Variants in OCA2 observed in about 807,000 individuals in gnomAD.
OCA2 encodes OCA2 melanosomal transmembrane protein.
OCA2 carries 77 observed loss-of-function variants against 100.2 expected under a neutral mutation model. The observed-to-expected ratio is 0.77, with a 90% confidence interval of 0.64 to 0.93. The LOEUF is 0.93. Ranked by LOEUF, OCA2 falls within the 40% of genes least tolerant of loss-of-function variation. OCA2 has a pLI of 0.00. For missense variants in OCA2, 1,062 were observed against 1,089.1 expected (o/e 0.98, Z 0.35); for synonymous variants, 432 against 439.2 (o/e 0.98, Z 0.21).
At chr15:27,795,840 C>G (rs1049139413) in intron 23 of OCA2, among the ~76,000 whole-genome samples, 1 of 152,152 alleles carries the variant, frequency 6.6e-6, no homozygotes, top group African/African-American at 2.4e-5. Flanking sequence ...ATCCACATCG[C>G]TGATTGTATG....
rs149245006 is a variant in OCA2, at chr15:28,009,549, A to T, written c.1044+5227T>A. On this transcript the variant is annotated intron_variant, in intron 9 of 23. Coordinates refer to ENST00000354638, the MANE Select transcript of OCA2 (RefSeq NM_000275.3). ...CTAAAAACACAAAAAGTAGCCAGGC[A>T]TGATGGTATGCGCCTGTGGTCTCAG... 9.4e-4 allele frequency among the ~76,000 whole-genome samples: 143 copies of T among 152,258 alleles called. 1 individual carries two copies. Among genetic ancestry groups the T allele is most frequent in the Non-Finnish European group, 1.7e-3 (117 of 68,016 alleles).
intron 9 of OCA2, among the ~76,000 whole-genome samples, chr15:28,010,286 T>G (rs1353960988): frequency 2.0e-5 from 3 of 152,198 alleles, no homozygotes; most frequent in Admixed American, 6.5e-5. Flanking sequence ...ATGTCATACT[T>G]CATGGTGAAA....
intron 4 of OCA2, among the ~76,000 whole-genome samples, chr15:28,026,209 A>G (rs1186195544): frequency 6.6e-6 from 1 of 152,240 alleles, no homozygotes; most frequent in East Asian, 1.9e-4. Context: ...GTTCAGTGGC[A>G]AGCTCAAAGG....
At chr15:28,003,117 C>T (rs1345749018) in intron 9 of OCA2, among the ~76,000 whole-genome samples, 2 of 152,218 alleles carry the variant, frequency 1.3e-5, no homozygotes, top group African/African-American at 4.8e-5. Context: ...TCTTCCCCCA[C>T]GTGATCCTGC....
chr15:27,832,053 C>CAA (rs1338693684), intron 23 of OCA2, among the ~76,000 whole-genome samples: 10 of 152,084 alleles, frequency 6.6e-5, no homozygotes, highest in Admixed American at 2.0e-4. Flanking sequence ...TATGCTTGCA[C>CAA]ACTCGCCTGC....
At chr15:28,019,015 G>C (rs1269938885) in intron 6 of OCA2, among the ~76,000 whole-genome samples, 1 of 152,180 alleles carries the variant, frequency 6.6e-6, no homozygotes, top group Non-Finnish European at 1.5e-5. Flanking sequence ...TGAAATACAT[G>C]AGTATGCCTT....
chr15:28,051,433 C>T (rs1052622672), intron 2 of OCA2, among the ~76,000 whole-genome samples: 1 of 152,046 alleles, frequency 6.6e-6, no homozygotes, highest in African/African-American at 2.4e-5. Flanking sequence ...GCTAGGATTA[C>T]AAGCATGCGC....
intron 23 of OCA2, among the ~76,000 whole-genome samples, chr15:27,814,355 A>AT (rs1409394131): frequency 6.6e-6 from 1 of 152,236 alleles, no homozygotes; most frequent in Admixed American, 6.5e-5. Context: ...ATGGAGATAT[A>AT]TTTAAGACAT....
intron 23 of OCA2, among the ~76,000 whole-genome samples, chr15:27,766,861 G>A (rs970770421): frequency 1.3e-5 from 2 of 152,166 alleles, no homozygotes; most frequent in Non-Finnish European, 2.9e-5. Flanking sequence ...GGTGGAGGGC[G>A]CCAAGTGAAA....
At chr15:27,994,170 C>T (rs2041647361) in intron 9 of OCA2, among the ~76,000 whole-genome samples, 1 of 152,186 alleles carries the variant, frequency 6.6e-6, no homozygotes, top group Non-Finnish European at 1.5e-5. Context: ...ACCGCCTGGG[C>T]TCTGCCTCCT....
intron 13 of OCA2, among the ~76,000 whole-genome samples, chr15:27,984,284 G>T (rs2041268972): frequency 6.6e-6 from 1 of 152,088 alleles, no homozygotes; most frequent in African/African-American, 2.4e-5. Context: ...GCGCAGACCA[G>T]TGCCTGGGAG....
chr15:28,010,219 A>G (rs1372942273), intron 9 of OCA2, among the ~76,000 whole-genome samples: 1 of 152,190 alleles, frequency 6.6e-6, no homozygotes, highest in African/African-American at 2.4e-5. Flanking sequence ...AACCCCTCTT[A>G]GTACATTAGG....
intron 18 of OCA2, among the ~76,000 whole-genome samples, chr15:27,951,583 C>G (rs761501480): frequency 6.6e-5 from 10 of 152,172 alleles, no homozygotes; most frequent in Non-Finnish European, 1.3e-4. Context: ...ATGCATCTCT[C>G]TCTCCCTCCC....
At chr15:27,865,209 C>T (rs1163349096) in intron 21 of OCA2, among the ~76,000 whole-genome samples, 2 of 152,038 alleles carry the variant, frequency 1.3e-5, no homozygotes, top group African/African-American at 4.8e-5. Context: ...GAATACCACG[C>T]GAAGGCTGCT....
chr15:27,843,549 C>T (rs76642391), intron 23 of OCA2, among the ~76,000 whole-genome samples: 2,316 of 152,290 alleles, frequency 0.015, 55 homozygotes, highest in African/African-American at 0.051. Flanking sequence ...ACAGAAAGAA[C>T]TGGGTCAGGC....
chr15:27,982,132 A>G (rs765024041), intron 14 of OCA2, among the ~76,000 whole-genome samples: 12 of 152,156 alleles, frequency 7.9e-5, no homozygotes, highest in Admixed American at 4.6e-4. Flanking sequence ...TGTTGGCCAG[A>G]AGCAGAAGCT....
intron 23 of OCA2, among the ~76,000 whole-genome samples, chr15:27,837,884 A>G (rs1253165466): frequency 7.3e-6 from 1 of 136,180 alleles, no homozygotes; most frequent in African/African-American, 2.7e-5. Context: ...CCCACGACTG[A>G]AAAAAAAAAA....
chr15:27,869,478 G>A (rs2036457967), intron 21 of OCA2, among the ~76,000 whole-genome samples: 1 of 152,230 alleles, frequency 6.6e-6, no homozygotes, highest in Non-Finnish European at 1.5e-5. Context: ...TTGTACTATT[G>A]TCTCTGATTC....
intron 19 of OCA2, among the ~76,000 whole-genome samples, chr15:27,916,667 C>T (rs2038676966): frequency 1.3e-5 from 2 of 152,304 alleles, no homozygotes; most frequent in South Asian, 2.1e-4. Flanking sequence ...AAGATGCCTA[C>T]AGTTTTCATT....
Sources: gnomAD v4.1 joint callset for allele counts (sites outside exome capture counted in the v4.1 genomes callset) on GRCh38, gnomAD v4.1.1 for gene constraint, MANE v1.5 for transcripts, NCBI Gene and HGNC (gene_info 2026-07-23, HGNC 2026-07-21) for gene names.